The following ATR variants were observed in gnomAD, a reference collection of about 807,000 sequenced individuals.
ATR encodes serine/threonine-protein kinase ATR.
In ATR, 142 loss-of-function variants were observed where a neutral mutation model predicts 305.3. That is an observed-to-expected ratio of 0.47 (90% confidence interval 0.41 to 0.53). ATR has a LOEUF of 0.53. ATR is among the 20% of genes least tolerant of loss of function. ATR has a pLI of 0.00. For missense variants in ATR, 2,135 were observed against 3,133.1 expected (o/e 0.68, Z 7.60); for synonymous variants, 1,050 against 1,068.1 (o/e 0.98, Z 0.33).
chr3:142,553,014 C>T (rs1187723422), intron 13 of ATR, among the ~76,000 whole-genome samples: 1 of 152,054 alleles, frequency 6.6e-6, no homozygotes, highest in African/African-American at 2.4e-5. Flanking sequence ...TGGGCTTATA[C>T]CTAGGTGATG....
rs781420658 is a variant in ATR at position 142,449,506 on chromosome 3, C to T, written c.7858G>A (p.Val2620Met). Residue 2620 changes from valine (V) to methionine (M), a missense_variant, in exon 47 of 47, where the codon GTG becomes ATG. Physicochemically the swap from Val to Met is conservative, Grantham distance 21 (BLOSUM62 1). This residue lies in a region of ATR where 462 missense variants were observed against 887.6 expected (regional missense o/e 0.52). Coordinates refer to ENST00000350721, the MANE Select transcript of ATR (RefSeq NM_001184.4). ...TGLPLSIEGH[V>M]HYLIQEATDE... ...GTAGCTTCCTGTATAAGGTAATGCA[C>T]ATGTCCTTCAATAGATAACGGCAGT... 1.2e-6 allele frequency: 2 copies of T among 1,613,594 alleles called. No homozygotes were observed. The highest frequency in any genetic ancestry group is 1.7e-6 in the Non-Finnish European group (2 of 1,179,508).
chr3:142,522,600 T>C (rs1326263027), intron 23 of ATR, 128 bp downstream of exon 23: 4 of 838,666 alleles, frequency 4.8e-6, no homozygotes, highest in Non-Finnish European at 7.9e-6. Flanking sequence ...AAAATGTTTA[T>C]CATGAACTTG....
Position 142,466,406 on chromosome 3 carries a change from G to C in ATR, c.6815C>G (p.Ser2272Ter), listed in dbSNP as rs768053929. The change falls in exon 40 of 47, where the codon TCA (serine) becomes TGA (stop). Residue 2272 changes from serine (S) to a stop codon, truncating the protein, a stop_gained. Coordinates refer to ENST00000350721, the MANE Select transcript of ATR (RefSeq NM_001184.4). LOFTEE classifies it high-confidence loss of function. ...ATGGTTAGCATGGGTACCCAGAATT[G>C]ATGGAAGTGTAGGTATCATGACTGA... is the stretch of plus-strand genomic sequence containing the variant. ...LQSVMIPTLP[S>*]ILGTHANHAS... 2.5e-6 allele frequency: 4 copies of C among 1,613,960 alleles called. No individual in the cohort carries two copies. The highest frequency in any genetic ancestry group is 3.4e-6 in the Non-Finnish European group (4 of 1,179,880).
intron 36 of ATR, among the ~76,000 whole-genome samples, chr3:142,481,126 T>A (rs1459696137): frequency 6.6e-6 from 1 of 152,240 alleles, no homozygotes; most frequent in Non-Finnish European, 1.5e-5. Flanking sequence ...CCCAGTGAGA[T>A]GAACCCGGTA....
At chr3:142,480,023 T>G (rs1200762423) in intron 36 of ATR, among the ~76,000 whole-genome samples, 1 of 152,216 alleles carries the variant, frequency 6.6e-6, no homozygotes, top group African/African-American at 2.4e-5. Flanking sequence ...TTCTTTGCCA[T>G]GGGTTCCAAC....
intron 1 of ATR, among the ~76,000 whole-genome samples, chr3:142,575,340 C>G (rs1374443137): frequency 6.6e-6 from 1 of 152,026 alleles, no homozygotes; most frequent in Admixed American, 6.6e-5. Flanking sequence ...TAAAAATTAG[C>G]TCGGTGGTGC....
At chr3:142,557,320 T>C (rs944053208) in intron 8 of ATR, among the ~76,000 whole-genome samples, 1 of 152,146 alleles carries the variant, frequency 6.6e-6, no homozygotes, top group Non-Finnish European at 1.5e-5. Context: ...AAAATATTCA[T>C]TTAAATGTTG....
Position 142,496,463 on chromosome 3 carries a change from T to C in ATR, c.5796A>G (p.Arg1932=). ...AGGCTGTCTGGTGGTGACCAGCCTT[T>C]CTAGCTACCCTGGCACTCTGCAGCC... The part of the protein sequence containing the change: ...ECWLQSARVA[R]KAGHHQTAYN... The change falls in exon 34 of 47, where the codon AGA becomes AGG. Residue 1932 remains arginine, a synonymous_variant. Coordinates refer to ENST00000350721, the MANE Select transcript of ATR (RefSeq NM_001184.4). The C allele has an allele frequency of 1.2e-6, 2 of 1,612,540 alleles. No individual in the cohort carries two copies. The highest frequency in any genetic ancestry group is 2.2e-5 in the South Asian group (2 of 90,998).
In ATR at chr3:142,545,104, T is replaced by C. The variant is rs370094769; in HGVS notation, c.3358-2347A>G. ...TACCAATATATTATCTATCACCAAATACTTATTATGTATGCCTAGAATCCT... is the reference window on the plus strand; with the variant it reads ...TACCAATATATTATCTATCACCAAACACTTATTATGTATGCCTAGAATCCT... On this transcript the variant is annotated intron_variant, in intron 16 of 46. Transcript: ENST00000350721. Among the ~76,000 whole-genome samples the C allele has an allele frequency of 7.9e-5, 12 of 152,330 alleles. 1 individual carries two copies. In the South Asian group the frequency reaches 2.1e-3, roughly 26 times the overall value.
intron 21 of ATR, among the ~76,000 whole-genome samples, chr3:142,529,639 C>A (rs1025500429): frequency 2.6e-5 from 4 of 152,116 alleles, no homozygotes; most frequent in African/African-American, 9.7e-5. Flanking sequence ...TACTTCAATT[C>A]TTGTAGGTTT....
Position 142,563,031 on chromosome 3 carries a change from C to T in ATR, c.371G>A (p.Cys124Tyr). 1.3e-6 allele frequency: 2 copies of T among 1,599,004 alleles called. No individual in the cohort carries two copies. Among genetic ancestry groups the T allele is most frequent in the Non-Finnish European group, 1.7e-6 (2 of 1,175,346 alleles). The change falls in exon 4 of 47, where the codon TGT becomes TAT. Residue 124 changes from cysteine to tyrosine, a missense_variant. Coordinates refer to ENST00000350721, the MANE Select transcript of ATR (RefSeq NM_001184.4). ...AAATAATAATGAACAGATGACTTCACAGATTTTCTTGTGTAACAAATGACA... is the reference window on the plus strand; with the variant it reads ...AAATAATAATGAACAGATGACTTCATAGATTTTCTTGTGTAACAAATGACA... ...PSCHLLHKKICEVICSLLFLF... is the reference protein window; with the variant it reads ...PSCHLLHKKIYEVICSLLFLF...
chr3:142,515,263 T>A, intron 25 of ATR, 132 bp downstream of exon 25: 1 of 1,263,190 alleles, frequency 7.9e-7, no homozygotes, highest in East Asian at 2.4e-5. Flanking sequence ...TTAGTTAACA[T>A]TTTCTTCAAA....
chr3:142,487,474 C>A (rs1352264189), intron 35 of ATR, among the ~76,000 whole-genome samples: 1 of 152,136 alleles, frequency 6.6e-6, no homozygotes, highest in Non-Finnish European at 1.5e-5. Flanking sequence ...TTATTTCATT[C>A]AACATTACAT....
intron 36 of ATR, among the ~76,000 whole-genome samples, chr3:142,483,901 T>C (rs1418806629): frequency 6.6e-6 from 1 of 151,270 alleles, no homozygotes; most frequent in Non-Finnish European, 1.5e-5. Context: ...CCACGAAATA[T>C]GACATTAAGG....
At chr3:142,542,602 T>C in intron 17 of ATR, 63 bp downstream of exon 17, 1 of 1,365,008 alleles carries the variant, frequency 7.3e-7, no homozygotes, top group South Asian at 1.2e-5. Context: ...TGTAGCTAGA[T>C]GCAGAATTTA....
Position 142,503,113 on chromosome 3 carries a change from C to G in ATR, c.5288+249G>C, listed in dbSNP as rs187279012. On this transcript the variant is annotated intron_variant, in intron 30 of 46. Coordinates refer to ENST00000350721, the MANE Select transcript of ATR (RefSeq NM_001184.4). ...GTCCCATCTGAGCCTCACCAATAGC[C>G]AGTGGGTTCTAGAAGTTCCTTGTGT... Among the ~76,000 whole-genome samples the G allele has an allele frequency of 1.5e-3, 228 of 152,170 alleles. 1 individual carries two copies. The highest frequency in any genetic ancestry group is 5.1e-3 in the African/African-American group (213 of 41,518).
intron 36 of ATR, among the ~76,000 whole-genome samples, chr3:142,475,628 A>G (rs1052879079): frequency 2.6e-4 from 39 of 152,296 alleles, no homozygotes; most frequent in African/African-American, 7.5e-4. Flanking sequence ...TGGGATGGCT[A>G]GGTCAAATGG....
At chr3:142,469,194 C>A in intron 38 of ATR, 143 bp downstream of exon 38, 1 of 604,168 alleles carries the variant, frequency 1.7e-6, no homozygotes, top group East Asian at 2.9e-5. Flanking sequence ...ATAAATTTCT[C>A]TCTTTAAAAA....
chr3:142,552,584 C>A (rs2034509668), intron 13 of ATR, among the ~76,000 whole-genome samples: 1 of 149,360 alleles, frequency 6.7e-6, no homozygotes, highest in Non-Finnish European at 1.5e-5. Context: ...GCAGGAGAAT[C>A]ACGTGAACCT....
Sources: allele counts gnomAD v4.1 joint callset (sites outside exome capture counted in the v4.1 genomes callset), GRCh38; gene constraint gnomAD v4.1.1; regional missense constraint gnomAD v4.1.1; transcripts MANE v1.5; gene names NCBI Gene and HGNC (gene_info 2026-07-23, HGNC 2026-07-21).